The following FBXW11 variants were observed in gnomAD, a reference collection of about 807,000 sequenced individuals.
FBXW11 encodes F-box/WD repeat-containing protein 11.
In FBXW11, 19 loss-of-function variants were observed where a neutral mutation model predicts 77.6. That is an observed-to-expected ratio of 0.24 (90% CI 0.17 to 0.36). The LOEUF (loss-of-function observed/expected upper bound fraction) is 0.36. Among genes scored for constraint, FBXW11 ranks in the 10% least tolerant of loss-of-function variants. The pLI is 1.00. For synonymous variants in FBXW11, 235 were observed against 249.4 expected (o/e 0.94, Z 0.54); for missense variants, 334 against 704.2 (o/e 0.47, Z 5.95).
intron 1 of FBXW11, among the ~76,000 whole-genome samples, chr5:171,995,331 T>G (rs949832112): frequency 2.6e-5 from 4 of 152,314 alleles, no homozygotes; most frequent in Middle Eastern, 3.4e-3. Flanking sequence ...ATCTTGATAT[T>G]TAAATGCATT....
intron 1 of FBXW11, among the ~76,000 whole-genome samples, chr5:171,988,205 T>C (rs918464163): frequency 6.6e-6 from 1 of 152,208 alleles, no homozygotes; most frequent in Non-Finnish European, 1.5e-5. Context: ...ATGGCAATGA[T>C]TTTAGTTTCT....
intron 2 of FBXW11, among the ~76,000 whole-genome samples, chr5:171,930,754 T>A (rs200263396): frequency 0.056 from 1,799 of 31,958 alleles, 17 homozygotes; most frequent in African/African-American, 0.099. Flanking sequence ...AAATAAAAAA[T>A]AAAAAAATAA....
At chr5:171,935,653 T>C (rs558574428) in intron 2 of FBXW11, among the ~76,000 whole-genome samples, 3 of 152,192 alleles carry the variant, frequency 2.0e-5, no homozygotes, top group African/African-American at 7.2e-5. Flanking sequence ...TGGATTGGCA[T>C]CAAACTTCTC....
chr5:171,946,284 T>C (rs1325615111), intron 2 of FBXW11, among the ~76,000 whole-genome samples: 4 of 152,210 alleles, frequency 2.6e-5, no homozygotes, highest in Non-Finnish European at 5.9e-5. Flanking sequence ...TGGAGAACCC[T>C]GACTGACATG....
intron 2 of FBXW11, among the ~76,000 whole-genome samples, chr5:171,917,766 CTG>C (rs60601173): frequency 0.075 from 11,023 of 147,540 alleles, 1,052 homozygotes; most frequent in African/African-American, 0.22. Context: ...TAGACTCACT[CTG>C]TGTGTGTGTG....
intron 1 of FBXW11, among the ~76,000 whole-genome samples, chr5:171,983,900 A>G (rs1765292459): frequency 6.6e-6 from 1 of 152,150 alleles, no homozygotes; most frequent in Non-Finnish European, 1.5e-5. Flanking sequence ...TTCATCAATA[A>G]CAGCCAAGTA....
chr5:171,885,661 T>G (rs572597875), intron 7 of FBXW11, among the ~76,000 whole-genome samples: 2 of 152,322 alleles, frequency 1.3e-5, no homozygotes, highest in African/African-American at 4.8e-5. Context: ...GTTAACAATA[T>G]TGTTGATATT....
chr5:171,991,218 T>C (rs1420933933), intron 1 of FBXW11, among the ~76,000 whole-genome samples: 3 of 152,332 alleles, frequency 2.0e-5, no homozygotes, highest in South Asian at 2.1e-4. Context: ...GAACTCTTCA[T>C]GTCTCCATGC....
rs1760822454 is a variant in FBXW11 at position 171,910,580 on chromosome 5, G to A, written c.428C>T (p.Ala143Val). ...AAGACAAGTACAGTTACCTGGTAAA[G>A]CGGTAATAAAGTCCCGCTGCAACAT... ...KPMLQRDFITALPEQGLDHIA... is the reference protein window; with the variant it reads ...KPMLQRDFITVLPEQGLDHIA... Residue 143 changes from alanine (A) to valine (V), a missense_variant, in exon 4 of 14, where the codon GCT (alanine) becomes GTT (valine). This residue lies in a region of FBXW11 where 56 missense variants were observed against 144.9 expected (regional missense o/e 0.39). Coordinates refer to ENST00000517395, the MANE Select transcript of FBXW11 (RefSeq NM_001378974.1). 6.2e-7 allele frequency: 1 copy of A among 1,611,762 alleles called. No homozygotes were observed. The highest frequency in any genetic ancestry group is 1.7e-5 in the Admixed American group (1 of 59,808).
intron 4 of FBXW11, among the ~76,000 whole-genome samples, chr5:171,903,674 C>A (rs926242476): frequency 6.6e-6 from 1 of 152,134 alleles, no homozygotes; most frequent in African/African-American, 2.4e-5. Flanking sequence ...ATTACAGCAT[C>A]TCACTCTGTT....
chr5:171,876,524 C>T lies in FBXW11; in HGVS notation c.982G>A (p.Val328Met). The change falls in exon 9 of 14, where the codon GTG becomes ATG. Residue 328 changes from valine to methionine, a missense_variant. Val to Met is a conservative substitution (Grantham distance 21, BLOSUM62 1). Coordinates refer to ENST00000517395, the MANE Select transcript of FBXW11 (RefSeq NM_001378974.1). This position sits in a 1 kb window ranked among gnomAD's most constrained non-coding sequence, Gnocchi z 4.2. ...GTGTTAAGAACTTCACCCGTGTTCA[C>T]ATCCCACACTCTAGGAGAGAAGAGA... The part of the protein sequence containing the change: ...SSDSTVRVWD[V>M]NTGEVLNTLI... The T allele has an allele frequency of 1.2e-6, 2 of 1,614,086 alleles. No homozygotes were observed. The highest frequency in any genetic ancestry group is 1.7e-6 in the Non-Finnish European group (2 of 1,179,956).
intron 2 of FBXW11, among the ~76,000 whole-genome samples, chr5:171,915,636 T>TGTGC (rs1761177309): frequency 6.6e-6 from 1 of 151,794 alleles, no homozygotes; most frequent in African/African-American, 2.4e-5. Flanking sequence ...TGTGTGTGTG[T>TGTGC]GTGTGTGTGT....
chr5:171,992,070 G>C (rs888677919), intron 1 of FBXW11, among the ~76,000 whole-genome samples: 1 of 145,652 alleles, frequency 6.9e-6, no homozygotes, highest in Non-Finnish European at 1.5e-5. Flanking sequence ...AGCTGAGATC[G>C]CACCACTGCC....
At chr5:171,988,582 C>T (rs1002344144) in intron 1 of FBXW11, among the ~76,000 whole-genome samples, 2 of 152,166 alleles carry the variant, frequency 1.3e-5, no homozygotes, top group Admixed American at 6.5e-5. Flanking sequence ...CGGTGGCTCA[C>T]GCCTGTAATC....
chr5:171,892,897 G>A (rs1759450016), intron 6 of FBXW11, among the ~76,000 whole-genome samples: 1 of 152,108 alleles, frequency 6.6e-6, no homozygotes, highest in Non-Finnish European at 1.5e-5. Flanking sequence ...TTTGTTGAAG[G>A]AGTACTTAAT....
chr5:171,883,565 T>G (rs1384407160), intron 7 of FBXW11, among the ~76,000 whole-genome samples: 1 of 152,220 alleles, frequency 6.6e-6, no homozygotes, highest in African/African-American at 2.4e-5. Context: ...CACATTGTTT[T>G]CCATAGCAGC....
intron 2 of FBXW11, among the ~76,000 whole-genome samples, chr5:171,935,403 T>C (rs1762422070): frequency 6.6e-6 from 1 of 151,964 alleles, no homozygotes; most frequent in Non-Finnish European, 1.5e-5. Flanking sequence ...TCAATAAAGC[T>C]GTTATTTAAA....
chr5:171,950,567 T>C (rs1327604660), intron 2 of FBXW11, among the ~76,000 whole-genome samples: 1 of 152,172 alleles, frequency 6.6e-6, no homozygotes, highest in Non-Finnish European at 1.5e-5. Context: ...TTGTGATTTT[T>C]CTAGGGTGAG....
chr5:171,939,202 A>C (rs530054793), intron 2 of FBXW11, among the ~76,000 whole-genome samples: 7 of 152,168 alleles, frequency 4.6e-5, no homozygotes, highest in Non-Finnish European at 1.0e-4. Flanking sequence ...ATGCCACTGC[A>C]CTCCAGCATG....
Sources: gnomAD v4.1 joint callset for allele counts (sites outside exome capture counted in the v4.1 genomes callset) on GRCh38, gnomAD v4.1.1 for gene constraint, gnomAD v4.1.1 regional missense constraint, Gnocchi (gnomAD v3.1) non-coding constraint, MANE v1.5 for transcripts, NCBI Gene and HGNC (gene_info 2026-07-23, HGNC 2026-07-21) for gene names.